Variants in NRG3 observed in about 807,000 individuals in gnomAD.
NRG3 encodes neuregulin 3, also known as pro-neuregulin-3, membrane-bound isoform.
NRG3 carries 31 observed loss-of-function variants against 66.9 expected under a neutral mutation model. The observed-to-expected ratio is 0.46, with a 90% CI of 0.35 to 0.63. The LOEUF is 0.63. NRG3 is among the 20% of genes least tolerant of loss of function. The pLI, the probability that NRG3 is intolerant of heterozygous loss-of-function variation, is 0.00. For synonymous variants in NRG3, 393 were observed against 359.4 expected (o/e 1.09, Z -1.06); for missense variants, 910 against 878.9 (o/e 1.04, Z -0.45).
At chr10:82,419,117 A>T (rs2088864495) in intron 2 of NRG3, among the ~76,000 whole-genome samples, 1 of 152,184 alleles carries the variant, frequency 6.6e-6, no homozygotes, top group South Asian at 2.1e-4. Context: ...ATTACATCTT[A>T]AACTAGACAA....
chr10:82,054,531 T>C (rs546188969), intron 1 of NRG3, among the ~76,000 whole-genome samples: 1 of 152,236 alleles, frequency 6.6e-6, no homozygotes, highest in Non-Finnish European at 1.5e-5. Flanking sequence ...GAATGACTTT[T>C]AGATATTTAA....
chr10:82,344,309 C>T (rs918857380), intron 1 of NRG3, among the ~76,000 whole-genome samples: 3 of 151,108 alleles, frequency 2.0e-5, no homozygotes, highest in East Asian at 1.9e-4. Context: ...TGAGAATATG[C>T]GGTGTTTGGT....
intron 1 of NRG3, among the ~76,000 whole-genome samples, chr10:82,065,188 T>C (rs10736175): frequency 0.71 from 108,306 of 151,884 alleles, 39,163 homozygotes; most frequent in South Asian, 0.79. Flanking sequence ...TACGTAAAAC[T>C]ATGAGGGGAA....
At chr10:82,172,503 A>C (rs956783073) in intron 1 of NRG3, among the ~76,000 whole-genome samples, 1 of 152,254 alleles carries the variant, frequency 6.6e-6, no homozygotes, top group East Asian at 1.9e-4. Context: ...AAACTGGAGA[A>C]TAGAACAAGA....
chr10:81,904,446 G>T (rs1844389544), intron 1 of NRG3, among the ~76,000 whole-genome samples: 1 of 152,048 alleles, frequency 6.6e-6, no homozygotes, highest in Non-Finnish European at 1.5e-5. Flanking sequence ...AGAAAGGGTT[G>T]CTTAGTCTCT....
chr10:82,085,522 A>G (rs578104120), intron 1 of NRG3, among the ~76,000 whole-genome samples: 1 of 152,232 alleles, frequency 6.6e-6, no homozygotes, highest in East Asian at 1.9e-4. Flanking sequence ...GACAGAGGGC[A>G]AGCAACCATG....
chr10:82,186,513 A>C (rs897908879), intron 1 of NRG3, among the ~76,000 whole-genome samples: 9 of 152,144 alleles, frequency 5.9e-5, no homozygotes, highest in Non-Finnish European at 1.0e-4. Flanking sequence ...GAGCCTGACA[A>C]ATTTGCAGGG....
At chr10:82,164,774 G>C (rs117997591) in intron 1 of NRG3, among the ~76,000 whole-genome samples, 1 of 152,118 alleles carries the variant, frequency 6.6e-6, no homozygotes, top group South Asian at 2.1e-4. Context: ...AGCTAGTTTG[G>C]GGAAGGAAAG....
chr10:82,585,906 T>C (rs2046641931), intron 2 of NRG3, among the ~76,000 whole-genome samples: 1 of 152,198 alleles, frequency 6.6e-6, no homozygotes, highest in African/African-American at 2.4e-5. Flanking sequence ...CAATAATGTG[T>C]TCAAACTATT....
chr10:82,580,652 G>A (rs567418681), intron 2 of NRG3, among the ~76,000 whole-genome samples: 6 of 151,854 alleles, frequency 4.0e-5, no homozygotes, highest in African/African-American at 1.2e-4. Flanking sequence ...CAAACAATAC[G>A]CAGTCTTTTT....
chr10:82,689,150 G>A (rs1288066453), intron 2 of NRG3, among the ~76,000 whole-genome samples: 3 of 152,122 alleles, frequency 2.0e-5, no homozygotes, highest in Non-Finnish European at 4.4e-5. Context: ...TCAAATGTTG[G>A]CAGTTTCATG....
intron 2 of NRG3, among the ~76,000 whole-genome samples, chr10:82,502,994 A>G (rs1347651693): frequency 6.6e-6 from 1 of 152,202 alleles, no homozygotes; most frequent in Admixed American, 6.5e-5. Flanking sequence ...TGTGAAGAGT[A>G]TATGACTAAA....
At position 81,876,005 on chromosome 10, in the gene NRG3, C is replaced by T; in HGVS notation, c.665C>T (p.Pro222Leu). 6.2e-7 allele frequency: 1 copy of T among 1,614,032 alleles called. No individual in the cohort carries two copies. The highest frequency in any genetic ancestry group is 8.5e-7 in the Non-Finnish European group (1 of 1,180,016). ...GGAACTCCAAGTACCCAGGCAATGC[C>T]CTCCTGGCCTACTGCGGCATACGCT... ...VPGTPSTQAM[P>L]SWPTAAYATS... The change falls in exon 1 of 9, where the codon CCC becomes CTC. Residue 222 changes from proline (P) to leucine (L), a missense_variant. Pro to Leu is a moderately conservative substitution (Grantham distance 98). Transcript: ENST00000372141.
intron 3 of NRG3, among the ~76,000 whole-genome samples, chr10:82,814,685 C>T (rs929854055): frequency 1.3e-5 from 2 of 152,148 alleles, no homozygotes; most frequent in African/African-American, 4.8e-5. Flanking sequence ...CAGAATTTTA[C>T]TCTTTTATTT....
At chr10:82,516,722 G>T (rs1457991885) in intron 2 of NRG3, among the ~76,000 whole-genome samples, 1 of 152,086 alleles carries the variant, frequency 6.6e-6, no homozygotes, top group Non-Finnish European at 1.5e-5. Context: ...GTTTGGCTTA[G>T]AAATGACAAA....
rs1214335245 is a variant in NRG3, at chr10:82,316,449, ACACTGAC to A, written c.824-42288_824-42282del. 2.6e-5 allele frequency among the ~76,000 whole-genome samples: 4 copies of A among 152,316 alleles called. No homozygotes were observed. The East Asian group carries it at 7.7e-4, about 29-fold the overall frequency. Reference sequence around the variant, plus strand: ...TGAAAAAAAGTAGAAAATTGAAAGAACACTGACCTGGATTTCAAATTCAGTAGCTGCT... The same window carrying A: ...TGAAAAAAAGTAGAAAATTGAAAGAACTGGATTTCAAATTCAGTAGCTGCT... On this transcript the variant is annotated intron_variant, in intron 1 of 8. Coordinates refer to ENST00000372141, the MANE Select transcript of NRG3 (RefSeq NM_001010848.4).
chr10:81,969,567 C>T (rs938649359), intron 1 of NRG3, among the ~76,000 whole-genome samples: 1 of 152,150 alleles, frequency 6.6e-6, no homozygotes, highest in South Asian at 2.1e-4. Flanking sequence ...AAAAATCCAG[C>T]GTGACCAGAA....
intron 8 of NRG3, among the ~76,000 whole-genome samples, chr10:82,984,237 G>A (rs1279232820): frequency 6.6e-6 from 1 of 152,184 alleles, no homozygotes; most frequent in Non-Finnish European, 1.5e-5. Flanking sequence ...CAGCACAGAG[G>A]AGACAGATTT....
chr10:82,659,192 C>G (rs2052114079), intron 2 of NRG3, among the ~76,000 whole-genome samples: 1 of 152,182 alleles, frequency 6.6e-6, no homozygotes, highest in East Asian at 1.9e-4. Flanking sequence ...AGAATTATCC[C>G]AAACAATGGC....
Sources: allele counts gnomAD v4.1 joint callset (sites outside exome capture counted in the v4.1 genomes callset), GRCh38; gene constraint gnomAD v4.1.1; transcripts MANE v1.5; gene names NCBI Gene and HGNC (gene_info 2026-07-23, HGNC 2026-07-21).